Variants in METTL25 observed in about 807,000 individuals in gnomAD.
METTL25 encodes the protein methyltransferase like 25.
Under a neutral mutation model 71.6 loss-of-function variants are expected in METTL25, and 64 were observed. The ratio of observed to expected loss-of-function variants is 0.89; its 90% CI spans 0.73 to 1.10. The LOEUF is 1.10. Among genes scored for constraint, METTL25 ranks in the 50% least tolerant of loss-of-function variants. The pLI, the probability that METTL25 is intolerant of heterozygous loss-of-function variation, is 0.00. For missense variants in METTL25, 807 were observed against 707.0 expected (o/e 1.14, Z -1.60); for synonymous variants, 287 against 250.3 (o/e 1.15, Z -1.38).
chr12:82,427,492 A>G (rs1017601989), intron 5 of METTL25, among the ~76,000 whole-genome samples: 1 of 151,766 alleles, frequency 6.6e-6, no homozygotes, highest in African/African-American at 2.4e-5. Context: ...GTTAAGTAGT[A>G]TTTTTTCTAG....
chr12:82,456,471 G>A (rs896275741), intron 8 of METTL25, among the ~76,000 whole-genome samples: 2 of 151,844 alleles, frequency 1.3e-5, no homozygotes, highest in African/African-American at 2.4e-5. Flanking sequence ...TAAAAATGAG[G>A]CTTTTTAATA....
Position 82,368,777 on chromosome 12 carries a change from G to A in METTL25, c.259+9953G>A, listed in dbSNP as rs541092998. On this transcript the variant is annotated intron_variant, in intron 1 of 11. Coordinates refer to ENST00000248306, the MANE Select transcript of METTL25 (RefSeq NM_032230.3). The stretch of plus-strand genomic sequence containing the variant: ...TATTAACACCATGGTCATGTTGAAG[G>A]GCTGTGTCAATCTGGATCTTGAAAT... Among the ~76,000 whole-genome samples, 110 of 152,220 alleles carry A rather than the reference G, an allele frequency of 7.2e-4. 1 individual carries two copies. The highest frequency in any genetic ancestry group is 2.6e-3 in the African/African-American group (109 of 41,528).
chr12:82,424,586 C>G (rs1420485401), intron 5 of METTL25, among the ~76,000 whole-genome samples: 2 of 151,252 alleles, frequency 1.3e-5, no homozygotes, highest in African/African-American at 2.4e-5. Flanking sequence ...TAATGCAAAA[C>G]TAGATCTCAC....
rs116121630 is a variant in METTL25 at position 82,467,479 on chromosome 12, G to A, written c.1573-9165G>A. ...AGTCTAAGGGCGATGAATTCTCTTA[G>A]TTTTTACTTATCTGTGATCTGTGAA... On this transcript the variant is annotated intron_variant, in intron 9 of 11. Transcript: ENST00000248306. 3.7e-3 allele frequency among the ~76,000 whole-genome samples: 566 copies of A among 152,036 alleles called. 3 individuals are homozygous for A. Among genetic ancestry groups the A allele is most frequent in the African/African-American group, 0.013 (541 of 41,484 alleles).
At position 82,403,089 on chromosome 12, in the gene METTL25, GCTACCACCT is replaced by G. The variant is rs1670762061; in HGVS notation, c.1241_1249del (p.Tyr414_Leu416del). The G allele has an allele frequency of 6.2e-7, 1 of 1,613,016 alleles. No individual in the cohort carries two copies. Among genetic ancestry groups the G allele is most frequent in the South Asian group, 1.1e-5 (1 of 90,984 alleles). Reference sequence around the variant, plus strand: ...AAGGGAGTTTGCAGTGTGGGTTGTTGCTACCACCTCTTATCTGAAGAATTTGAAAACCAG... The same window carrying G: ...AAGGGAGTTTGCAGTGTGGGTTGTTGCTTATCTGAAGAATTTGAAAACCAG... On this transcript the variant is annotated inframe_deletion, in exon 5 of 12. Coordinates refer to ENST00000248306, the MANE Select transcript of METTL25 (RefSeq NM_032230.3).
At chr12:82,415,901 A>G (rs1241689402) in intron 5 of METTL25, among the ~76,000 whole-genome samples, 1 of 152,164 alleles carries the variant, frequency 6.6e-6, no homozygotes, top group East Asian at 1.9e-4. Flanking sequence ...TAACCGTCAC[A>G]CTTGGCGTGG....
chr12:82,380,270 C>T lies in METTL25; in HGVS notation c.260-6533C>T, dbSNP rs149468126. Among the ~76,000 whole-genome samples the T allele has an allele frequency of 9.9e-3, 1,503 of 152,214 alleles. 22 individuals are homozygous for T. Among genetic ancestry groups the T allele is most frequent in the African/African-American group, 0.034 (1,417 of 41,512 alleles). The stretch of plus-strand genomic sequence containing the variant: ...CTTTGCCAAGGATAATGACCTCCAG[C>T]TCCATCCATATCCCTGCAAAGGATA... On this transcript the variant is annotated intron_variant, in intron 1 of 11. Transcript: ENST00000248306.
chr12:82,423,895 C>G (rs928238827), intron 5 of METTL25, among the ~76,000 whole-genome samples: 5 of 151,996 alleles, frequency 3.3e-5, no homozygotes, highest in African/African-American at 9.7e-5. Context: ...AACAGGTTCT[C>G]GAGAGGATGT....
At chr12:82,444,050 C>T (rs1273166206) in intron 8 of METTL25, among the ~76,000 whole-genome samples, 1 of 152,142 alleles carries the variant, frequency 6.6e-6, no homozygotes, top group African/African-American at 2.4e-5. Flanking sequence ...CTTTTAAACT[C>T]AGAAAATGAT....
At chr12:82,392,451 C>T (rs1205357415) in intron 3 of METTL25, among the ~76,000 whole-genome samples, 4 of 152,034 alleles carry the variant, frequency 2.6e-5, no homozygotes, top group South Asian at 4.1e-4. Context: ...TTTTTTATGG[C>T]TGTTGCCCAT....
intron 1 of METTL25, among the ~76,000 whole-genome samples, chr12:82,385,084 CTTAAA>C (rs1397799520): frequency 6.6e-6 from 1 of 152,044 alleles, no homozygotes; most frequent in Non-Finnish European, 1.5e-5. Context: ...CAACATATAT[CTTAAA>C]TTAATTTACT....
At chr12:82,403,224 AC>A (rs1343613977) in intron 5 of METTL25, 94 bp downstream of exon 5, 1 of 1,234,418 alleles carries the variant, frequency 8.1e-7, no homozygotes, top group Non-Finnish European at 1.1e-6. Context: ...TTTCGTCATT[AC>A]CATGATTTGG....
At chr12:82,445,668 G>A (rs80087258) in intron 8 of METTL25, among the ~76,000 whole-genome samples, 2,826 of 152,210 alleles carry the variant, frequency 0.019, 83 homozygotes, top group African/African-American at 0.065. Flanking sequence ...GATCCTGGAA[G>A]TGCTCCCGAT....
At chr12:82,390,040 T>G in intron 3 of METTL25, 118 bp downstream of exon 3, 1 of 632,030 alleles carries the variant, frequency 1.6e-6, no homozygotes, top group East Asian at 3.0e-5. Flanking sequence ...AATAGCATCA[T>G]TTAAACATCA....
intron 9 of METTL25, among the ~76,000 whole-genome samples, chr12:82,465,262 T>C (rs908264935): frequency 6.6e-6 from 1 of 152,002 alleles, no homozygotes; most frequent in Non-Finnish European, 1.5e-5. Context: ...GCCTTTATTA[T>C]GTTGAGGTAT....
At chr12:82,374,724 G>A (rs903586850) in intron 1 of METTL25, among the ~76,000 whole-genome samples, 1 of 152,222 alleles carries the variant, frequency 6.6e-6, no homozygotes, top group African/African-American at 2.4e-5. Flanking sequence ...AAAGGGTGAA[G>A]CTGGAAAATT....
At chr12:82,374,440 GAC>G (rs1206786982) in intron 1 of METTL25, 1 of 152,184 alleles carries the variant, frequency 6.6e-6, no homozygotes, top group Non-Finnish European at 1.5e-5. Flanking sequence ...CCCTTAGCTA[GAC>G]ACAGAGTGCT....
At chr12:82,436,921 C>T (rs1183787623) in intron 7 of METTL25, among the ~76,000 whole-genome samples, 5 of 151,372 alleles carry the variant, frequency 3.3e-5, no homozygotes, top group South Asian at 2.1e-4. Context: ...AGTAGACTTG[C>T]GAAAGTGACT....
intron 2 of METTL25, among the ~76,000 whole-genome samples, chr12:82,388,089 G>C (rs1885222765): frequency 6.6e-6 from 1 of 151,904 alleles, no homozygotes; most frequent in African/African-American, 2.4e-5. Flanking sequence ...TCTATAGGCA[G>C]GTTTATTTTA....
Sources: allele counts gnomAD v4.1 joint callset (sites outside exome capture counted in the v4.1 genomes callset), GRCh38; gene constraint gnomAD v4.1.1; transcripts MANE v1.5; gene names NCBI Gene and HGNC (gene_info 2026-07-23, HGNC 2026-07-21).